Variants in PCSK5 observed in about 807,000 individuals in gnomAD.
The protein encoded by PCSK5 is proprotein convertase subtilisin/kexin type 5, also known as prohormone convertase 5.
A neutral mutation model predicts 233.2 loss-of-function variants in PCSK5; 129 were observed. That is an observed-to-expected ratio of 0.55 (90% CI 0.48 to 0.64). The LOEUF is 0.64. Ranked by LOEUF, PCSK5 falls within the 30% of genes least tolerant of loss-of-function variation. The pLI, the probability that PCSK5 is intolerant of heterozygous loss-of-function variation, is 0.00. For synonymous variants in PCSK5, 825 were observed against 879.2 expected, an observed-to-expected ratio of 0.94 and a Z score of 1.09; for missense variants, 2,076 against 2,430.1, an observed-to-expected ratio of 0.85 and a Z score of 3.06.
chr9:76,139,478 A>C, intron 10 of PCSK5, among the ~76,000 whole-genome samples: 1 of 152,086 alleles, frequency 6.6e-6, no homozygotes, highest in South Asian at 2.1e-4. Context: ...AGTGGTACTC[A>C]TCTGGTCAGT....
At chr9:76,182,712 C>G (rs957218486) in intron 16 of PCSK5, among the ~76,000 whole-genome samples, 1 of 152,088 alleles carries the variant, frequency 6.6e-6, no homozygotes, top group Non-Finnish European at 1.5e-5. Context: ...CTGAAAAGGA[C>G]TGCAGTTATC....
chr9:76,330,725 A>G lies in PCSK5; in HGVS notation c.4571-1708A>G, dbSNP rs572799266. Among the ~76,000 whole-genome samples, 23 of 152,256 alleles carry G rather than the reference A, an allele frequency of 1.5e-4. No homozygotes were observed. The South Asian group carries it at 4.6e-3, about 30-fold the overall frequency. ...CCCCTGCTAAGACACAGGGAGACCT[A>G]TTCTCAATACCATTCCTGATCACTT... On this transcript the variant is annotated intron_variant, in intron 33 of 37. Coordinates refer to ENST00000674117, the MANE Select transcript of PCSK5 (RefSeq NM_001372043.1).
chr9:76,101,882 T>G (rs1831774105), intron 8 of PCSK5, among the ~76,000 whole-genome samples: 1 of 152,222 alleles, frequency 6.6e-6, no homozygotes, highest in Non-Finnish European at 1.5e-5. Flanking sequence ...ATTTTTCAAA[T>G]GCATTCACCA....
At chr9:75,953,925 T>A (rs1007861962) in intron 2 of PCSK5, among the ~76,000 whole-genome samples, 1 of 152,146 alleles carries the variant, frequency 6.6e-6, no homozygotes, top group Non-Finnish European at 1.5e-5. Context: ...AAGGCCTCCC[T>A]CTCTCTTTGC....
At chr9:76,288,591 C>G (rs939289334) in intron 24 of PCSK5, among the ~76,000 whole-genome samples, 1 of 152,184 alleles carries the variant, frequency 6.6e-6, no homozygotes, top group Non-Finnish European at 1.5e-5. Context: ...TCTCTTCAGA[C>G]AGCCAGCATG....
At chr9:76,294,542 C>G (rs142308078) in intron 25 of PCSK5, among the ~76,000 whole-genome samples, 209 of 152,252 alleles carry the variant, frequency 1.4e-3, no homozygotes, top group Non-Finnish European at 2.1e-3. Context: ...TTCACACAGA[C>G]TTTGGTTAAA....
intron 29 of PCSK5, 122 bp downstream of exon 29, chr9:76,308,850 A>G: frequency 1.6e-6 from 1 of 638,308 alleles, no homozygotes; most frequent in Non-Finnish European, 2.8e-6. Context: ...ACATGTTCCT[A>G]TTACAGTGGC....
chr9:76,013,643 G>T (rs550665289), intron 3 of PCSK5, among the ~76,000 whole-genome samples: 1 of 152,282 alleles, frequency 6.6e-6, no homozygotes, highest in East Asian at 1.9e-4. Context: ...TCATTGAAAA[G>T]ATAATGATTA....
chr9:76,219,476 A>G (rs895887254), intron 20 of PCSK5, among the ~76,000 whole-genome samples: 5 of 152,182 alleles, frequency 3.3e-5, no homozygotes, highest in Admixed American at 6.5e-5. Context: ...AAGCTGTAAC[A>G]AGGAACATTT....
At chr9:76,058,346 C>G (rs901318922) in intron 5 of PCSK5, among the ~76,000 whole-genome samples, 1 of 152,136 alleles carries the variant, frequency 6.6e-6, no homozygotes, top group Non-Finnish European at 1.5e-5. Context: ...TAAACCAGAA[C>G]CCCTGAGATA....
At chr9:76,173,249 G>T (rs1376882863) in intron 13 of PCSK5, among the ~76,000 whole-genome samples, 4 of 152,090 alleles carry the variant, frequency 2.6e-5, no homozygotes, top group Non-Finnish European at 5.9e-5. Context: ...ACATCGATTT[G>T]TTGGTGATGG....
At chr9:76,302,831 AT>A (rs1181895342) in intron 28 of PCSK5, among the ~76,000 whole-genome samples, 1 of 152,162 alleles carries the variant, frequency 6.6e-6, no homozygotes, top group Non-Finnish European at 1.5e-5. Flanking sequence ...CCTTTTCTCC[AT>A]TTTGCACCAT....
chr9:76,272,099 T>C (rs932839221), intron 24 of PCSK5, among the ~76,000 whole-genome samples: 1 of 152,204 alleles, frequency 6.6e-6, no homozygotes, highest in African/African-American at 2.4e-5. Context: ...TTACTATGTA[T>C]ACTATGTACT....
Position 76,121,846 on chromosome 9 carries a change from C to T in PCSK5, c.1209-12263C>T, listed in dbSNP as rs1403411840. Among the ~76,000 whole-genome samples, 7 of 31,830 alleles carry T rather than the reference C, an allele frequency of 2.2e-4. 3 individuals carry two copies. Among genetic ancestry groups the T allele is most frequent in the Non-Finnish European group, 5.2e-4 (7 of 13,338 alleles). 20.9% of individuals were successfully genotyped at this position (31,830 alleles called of 152,430 possible). ...TTTTTTTTTTTTTTTTTTTTTGAGA[C>T]GGAGTCTCGCTCTGTCGCCCAGGCT... On this transcript the variant is annotated intron_variant, in intron 9 of 37. Coordinates refer to ENST00000674117, the MANE Select transcript of PCSK5 (RefSeq NM_001372043.1).
At chr9:76,043,284 C>T (rs886926804) in intron 5 of PCSK5, among the ~76,000 whole-genome samples, 3 of 137,264 alleles carry the variant, frequency 2.2e-5, no homozygotes, top group African/African-American at 5.4e-5. Flanking sequence ...TGCAGTGAGC[C>T]GAGATTGCAC....
At chr9:76,189,569 G>GCAACCTCA (rs1824266068) in intron 19 of PCSK5, 62 bp from the exon 20 acceptor site, 2 of 1,009,168 alleles carry the variant, frequency 2.0e-6, no homozygotes, top group African/African-American at 3.2e-5. Flanking sequence ...GAGGTTGCTA[G>GCAACCTCA]TAAACACACC....
chr9:75,958,447 G>C (rs1825191910), intron 2 of PCSK5, among the ~76,000 whole-genome samples: 1 of 152,172 alleles, frequency 6.6e-6, no homozygotes, highest in African/African-American at 2.4e-5. Context: ...ATAAAAAACA[G>C]ATGGAAGGAA....
At chr9:76,221,788 G>A (rs577584837) in intron 20 of PCSK5, among the ~76,000 whole-genome samples, 1 of 152,106 alleles carries the variant, frequency 6.6e-6, no homozygotes, top group African/African-American at 2.4e-5. Flanking sequence ...CACAATTTAC[G>A]ATCCATCCTT....
intron 2 of PCSK5, among the ~76,000 whole-genome samples, chr9:75,941,679 A>G (rs1322004124): frequency 6.6e-6 from 1 of 152,174 alleles, no homozygotes; most frequent in African/African-American, 2.4e-5. Context: ...TCCCACTAGA[A>G]TGCATACACT....
Sources: allele counts gnomAD v4.1 joint callset (sites outside exome capture counted in the v4.1 genomes callset), GRCh38; gene constraint gnomAD v4.1.1; transcripts MANE v1.5; gene names NCBI Gene and HGNC (gene_info 2026-07-23, HGNC 2026-07-21).